SCFD2: variants seen among roughly 807,000 people sequenced by gnomAD.
The protein encoded by SCFD2 is sec1 family domain-containing protein 2.
In SCFD2, 54 loss-of-function variants were observed where a neutral mutation model predicts 58.9. The ratio of observed to expected loss-of-function variants is 0.92; its 90% confidence interval spans 0.74 to 1.15. The LOEUF is 1.15. SCFD2 is among the 50% of genes most tolerant of loss of function. The probability of loss-of-function intolerance (pLI) is 0.00; values close to 1 mark genes in which losing one functional copy is unlikely to be tolerated. For missense variants in SCFD2, 805 were observed against 836.6 expected (o/e 0.96, Z 0.47); for synonymous variants, 321 against 335.9 (o/e 0.96, Z 0.49).
intron 4 of SCFD2, among the ~76,000 whole-genome samples, chr4:53,179,702 T>G (rs907122171): frequency 2.0e-5 from 3 of 152,134 alleles, no homozygotes; most frequent in African/African-American, 7.2e-5. Flanking sequence ...AGACACAGAC[T>G]GGCAAATTGG....
intron 4 of SCFD2, chr4:53,265,517 A>G (rs1279025916): frequency 1.3e-5 from 2 of 152,144 alleles, no homozygotes; most frequent in Non-Finnish European, 2.9e-5. Context: ...GGCCATGCTA[A>G]TCTTTTCTGT....
At chr4:53,218,097 T>C (rs934973027) in intron 4 of SCFD2, among the ~76,000 whole-genome samples, 9 of 152,212 alleles carry the variant, frequency 5.9e-5, no homozygotes, top group Admixed American at 2.0e-4. Context: ...ATTTCAACTT[T>C]GGTGAATCTG....
chr4:52,904,394 C>T (rs902277270), intron 7 of SCFD2, among the ~76,000 whole-genome samples: 4 of 152,188 alleles, frequency 2.6e-5, no homozygotes, highest in African/African-American at 7.2e-5. Flanking sequence ...TCCAGAGGAA[C>T]AGAGCAGAGC....
chr4:53,034,363 T>C (rs1384820039), intron 5 of SCFD2, among the ~76,000 whole-genome samples: 6 of 152,086 alleles, frequency 3.9e-5, no homozygotes, highest in Non-Finnish European at 8.8e-5. Context: ...CCACAACCAA[T>C]ATCATACTGA....
At chr4:53,122,811 C>T (rs1166038243) in intron 5 of SCFD2, among the ~76,000 whole-genome samples, 3 of 152,112 alleles carry the variant, frequency 2.0e-5, no homozygotes, top group Admixed American at 1.3e-4. Context: ...TTTATAGGCA[C>T]TCAGTAAATG....
At chr4:53,336,367 T>G (rs1394008183) in intron 2 of SCFD2, among the ~76,000 whole-genome samples, 2 of 152,102 alleles carry the variant, frequency 1.3e-5, no homozygotes, top group Non-Finnish European at 2.9e-5. Flanking sequence ...ATATAAAGAC[T>G]GCTTTTAGAG....
At chr4:53,047,545 A>G (rs1723072977) in intron 5 of SCFD2, among the ~76,000 whole-genome samples, 1 of 152,224 alleles carries the variant, frequency 6.6e-6, no homozygotes, top group Non-Finnish European at 1.5e-5. Context: ...TCTGTTCCTC[A>G]TGATATCTTC....
At chr4:52,937,776 A>C (rs565078241) in intron 5 of SCFD2, among the ~76,000 whole-genome samples, 1 of 152,220 alleles carries the variant, frequency 6.6e-6, no homozygotes, top group East Asian at 1.9e-4. Context: ...CCTCTGCTGG[A>C]TTTGATTGAA....
intron 3 of SCFD2, among the ~76,000 whole-genome samples, chr4:53,303,931 A>G (rs1474140026): frequency 2.3e-4 from 31 of 133,034 alleles, no homozygotes; most frequent in African/African-American, 7.9e-4. Context: ...GAAGGGGAAC[A>G]TCACACACTG....
chr4:53,138,921 GC>G (rs1726024318), intron 5 of SCFD2, among the ~76,000 whole-genome samples: 1 of 127,824 alleles, frequency 7.8e-6, no homozygotes, highest in Non-Finnish European at 1.6e-5. Context: ...CTGATGCCCA[GC>G]CGAGGCTGGA....
chr4:53,092,377 G>C (rs1455399356), intron 5 of SCFD2, among the ~76,000 whole-genome samples: 2 of 152,148 alleles, frequency 1.3e-5, no homozygotes, highest in Admixed American at 6.6e-5. Context: ...CTGAAAAACA[G>C]TTGGGCAATT....
At chr4:53,302,616 G>A (rs970941746) in intron 3 of SCFD2, among the ~76,000 whole-genome samples, 1 of 151,996 alleles carries the variant, frequency 6.6e-6, no homozygotes, top group Non-Finnish European at 1.5e-5. Flanking sequence ...AGTTCATATG[G>A]AACCAAAAAA....
chr4:52,878,520 T>G (rs1718533714), intron 8 of SCFD2, among the ~76,000 whole-genome samples: 2 of 152,200 alleles, frequency 1.3e-5, no homozygotes, highest in Admixed American at 1.3e-4. Context: ...GGCTACTTTT[T>G]TGAATTTTCA....
At chr4:53,247,114 C>G (rs1730108822) in intron 4 of SCFD2, among the ~76,000 whole-genome samples, 1 of 151,436 alleles carries the variant, frequency 6.6e-6, no homozygotes, top group East Asian at 1.9e-4. Context: ...AGATACTTTT[C>G]AAAAGAAGAC....
intron 5 of SCFD2, among the ~76,000 whole-genome samples, chr4:53,111,699 T>C (rs1725177800): frequency 6.6e-6 from 1 of 152,118 alleles, no homozygotes; most frequent in South Asian, 2.1e-4. Context: ...ATTTAACATT[T>C]TTCATATTTG....
intron 3 of SCFD2, among the ~76,000 whole-genome samples, chr4:53,278,207 A>T (rs1306373521): frequency 6.6e-6 from 1 of 151,798 alleles, no homozygotes. Flanking sequence ...TCTCTACTAA[A>T]AATTCAAATA....
chr4:53,315,897 G>A (rs1732847777), intron 2 of SCFD2, among the ~76,000 whole-genome samples: 1 of 152,130 alleles, frequency 6.6e-6, no homozygotes, highest in Admixed American at 6.6e-5. Flanking sequence ...TCAGATTGGT[G>A]TAGTGGTTTA....
intron 2 of SCFD2, among the ~76,000 whole-genome samples, chr4:53,333,260 T>C (rs1051750418): frequency 1.3e-5 from 2 of 148,766 alleles, no homozygotes; most frequent in Non-Finnish European, 3.0e-5. Context: ...TTAAAGTTCA[T>C]ATGGAACCAA....
chr4:53,248,260 C>A (rs1238571630), intron 4 of SCFD2, among the ~76,000 whole-genome samples: 4 of 152,206 alleles, frequency 2.6e-5, no homozygotes, highest in African/African-American at 9.7e-5. Flanking sequence ...CCGCACCTGG[C>A]TTGGAGGGTC....
Sources: gnomAD v4.1 joint callset for allele counts (sites outside exome capture counted in the v4.1 genomes callset) on GRCh38, gnomAD v4.1.1 for gene constraint, MANE v1.5 for transcripts, NCBI Gene and HGNC (gene_info 2026-07-23, HGNC 2026-07-21) for gene names.